Variants in TENM3 observed in about 807,000 individuals in gnomAD.
TENM3 encodes teneurin transmembrane protein 3, also known as teneurin-3.
TENM3 carries 63 observed loss-of-function variants against 255.1 expected under a neutral mutation model. That is an observed-to-expected ratio of 0.25 (90% CI 0.20 to 0.30). TENM3 has a LOEUF of 0.30. TENM3 is among the 10% of genes least tolerant of loss of function. The pLI is 1.00. For missense variants in TENM3, 2,929 were observed against 3,461.1 expected (o/e 0.85, Z 3.86); for synonymous variants, 1,306 against 1,322.3 (o/e 0.99, Z 0.27).
chr4:182,547,905 C>T (rs1395360241), intron 3 of TENM3, among the ~76,000 whole-genome samples: 1 of 151,920 alleles, frequency 6.6e-6, no homozygotes, highest in African/African-American at 2.4e-5. Flanking sequence ...CTAACCCAAT[C>T]ATTTGCCATC....
Position 182,561,544 on chromosome 4 carries a change from A to G in TENM3, c.512-39380A>G, listed in dbSNP as rs552077249. On this transcript the variant is annotated intron_variant, in intron 3 of 27. Coordinates refer to ENST00000511685, the MANE Select transcript of TENM3 (RefSeq NM_001080477.4). ...TTCCCAGTGTTTTTTAGATTTCTGT[A>G]GTTTTGTTTTTTCTAAATGTTTGCA... Among the ~76,000 whole-genome samples the G allele has an allele frequency of 4.6e-3, 694 of 151,914 alleles. 3 individuals are homozygous for G. The highest frequency in any genetic ancestry group is 0.015 in the African/African-American group (627 of 41,478).
chr4:182,410,317 G>A (rs898729421), intron 3 of TENM3, among the ~76,000 whole-genome samples: 1 of 152,188 alleles, frequency 6.6e-6, no homozygotes. Context: ...TCTGAAAATG[G>A]CGCAGCACAT....
intron 12 of TENM3, among the ~76,000 whole-genome samples, chr4:182,706,688 C>T (rs1310340127): frequency 6.6e-6 from 1 of 152,150 alleles, no homozygotes; most frequent in East Asian, 1.9e-4. Context: ...TTTAGCCAGG[C>T]ACAGTGACTC....
intron 3 of TENM3, among the ~76,000 whole-genome samples, chr4:182,590,755 AG>A (rs149372799): frequency 0.2 from 30,631 of 151,080 alleles, 3,270 homozygotes; most frequent in Middle Eastern, 0.25. Context: ...CTCGGGGGGC[AG>A]GAGAATCACT....
intron 3 of TENM3, among the ~76,000 whole-genome samples, chr4:182,464,731 CAG>C (rs776499435): frequency 1.5e-4 from 23 of 152,180 alleles, no homozygotes; most frequent in Non-Finnish European, 3.2e-4. Flanking sequence ...GAGATGATAT[CAG>C]AGAAATATGT....
the TENM3 span, among the ~76,000 whole-genome samples, chr4:182,107,423 G>A: frequency 6.6e-6 from 1 of 152,172 alleles, no homozygotes; most frequent in Admixed American, 6.5e-5. Flanking sequence ...TGTTTCTGGG[G>A]GTTTCTAGCC....
Position 182,792,396 on chromosome 4 carries a change from T to C in TENM3, c.5724T>C (p.Ile1908=), listed in dbSNP as rs1766179640. The C allele has an allele frequency of 6.2e-7, 1 of 1,614,042 alleles. No homozygotes were observed. The highest frequency in any genetic ancestry group is 8.5e-7 in the Non-Finnish European group (1 of 1,179,906). ...ACACCATGCAGACCATCCGATCCATTGGCTACTACCGCAACATATACAACC... is the reference window on the plus strand; with the variant it reads ...ACACCATGCAGACCATCCGATCCATCGGCTACTACCGCAACATATACAACC... ...ARHTMQTIRS[I]GYYRNIYNPP... The change falls in exon 26 of 28, where the codon ATT becomes ATC. Residue 1908 remains isoleucine, a synonymous_variant. Transcript: ENST00000511685. This position sits in a 1 kb window ranked among gnomAD's most constrained non-coding sequence, Gnocchi z 6.3.
chr4:182,530,836 C>T (rs976922733), intron 3 of TENM3, among the ~76,000 whole-genome samples: 1 of 152,142 alleles, frequency 6.6e-6, no homozygotes, highest in Non-Finnish European at 1.5e-5. Flanking sequence ...GGCTTACATG[C>T]CCAGTGGAGT....
chr4:182,319,083 T>C (rs1412793254), intron 1 of TENM3, among the ~76,000 whole-genome samples: 1 of 152,188 alleles, frequency 6.6e-6, no homozygotes, highest in East Asian at 1.9e-4. Flanking sequence ...AAAGGTTTCT[T>C]TTGTTTGTTT....
chr4:182,599,616 G>T (rs1321066062), intron 3 of TENM3, among the ~76,000 whole-genome samples: 2 of 152,068 alleles, frequency 1.3e-5, no homozygotes, highest in African/African-American at 4.8e-5. Flanking sequence ...CTGTAAAGAG[G>T]TTTGATAATA....
rs548929957 is a variant in TENM3 at position 182,392,748 on chromosome 4, G to A, written c.511+45819G>A. 3.1e-4 allele frequency among the ~76,000 whole-genome samples: 47 copies of A among 152,266 alleles called. 2 individuals carry two copies. In the South Asian group the frequency reaches 9.1e-3, roughly 30 times the overall value. ...AGAGGCAGGCTAAAGAGAGGGCATCGCCACACAAATCAAGAGGGAAATTAA... is the reference window on the plus strand; with the variant it reads ...AGAGGCAGGCTAAAGAGAGGGCATCACCACACAAATCAAGAGGGAAATTAA... On this transcript the variant is annotated intron_variant, in intron 3 of 27. Transcript: ENST00000511685.
At chr4:181,552,793 A>C in the TENM3 span, among the ~76,000 whole-genome samples, 1 of 152,250 alleles carries the variant, frequency 6.6e-6, no homozygotes, top group Admixed American at 6.5e-5. Context: ...TCCTTAGGAC[A>C]AACTTCGGAG....
intron 4 of TENM3, among the ~76,000 whole-genome samples, chr4:182,615,598 AGTAAAAGC>A (rs978885489): frequency 2.0e-5 from 3 of 152,208 alleles, no homozygotes; most frequent in African/African-American, 7.2e-5. Context: ...TTGGAGATGA[AGTAAAAGC>A]CAGTACACAC....
At chr4:182,686,897 T>G (rs1050790696) in intron 11 of TENM3, among the ~76,000 whole-genome samples, 1 of 152,140 alleles carries the variant, frequency 6.6e-6, no homozygotes, top group Non-Finnish European at 1.5e-5. Flanking sequence ...ATCTTGAATC[T>G]CTTAATCAAA....
the TENM3 span, among the ~76,000 whole-genome samples, chr4:182,000,929 T>G: frequency 2.0e-5 from 3 of 151,364 alleles, no homozygotes; most frequent in Non-Finnish European, 4.4e-5. Flanking sequence ...ACATGAAAGT[T>G]GAAAAGAGCA....
At chr4:181,901,092 A>G in the TENM3 span, among the ~76,000 whole-genome samples, 1 of 152,202 alleles carries the variant, frequency 6.6e-6, no homozygotes, top group African/African-American at 2.4e-5. Context: ...GAAGAATTTG[A>G]CACTAAGCTT....
rs377724697 is a variant in TENM3 at position 182,754,728 on chromosome 4, C to G, written c.4361C>G (p.Ala1454Gly). 1 of 1,614,038 alleles carries G rather than the reference C, an allele frequency of 6.2e-7. No individual in the cohort carries two copies. The highest frequency in any genetic ancestry group is 8.5e-7 in the Non-Finnish European group (1 of 1,179,908). ...TCAGAGTGTGACTGCAAAAATGATG[C>G]CAACTGTGACTGTTACCAGAGTGGA... is the stretch of plus-strand genomic sequence containing the variant. ...IPSECDCKND[A>G]NCDCYQSGDG... The change falls in exon 22 of 28, where the codon GCC becomes GGC. Residue 1454 changes from alanine (A) to glycine (G), a missense_variant. Physicochemically the swap from Ala to Gly is moderately conservative, Grantham distance 60 (BLOSUM62 0). Around this residue, in one of 6 missense-constraint regions of TENM3, gnomAD observed 1,608 missense variants for 1,884.4 expected, o/e 0.85. Transcript: ENST00000511685. The surrounding 1 kb of genome is among the most constrained non-coding windows in gnomAD (Gnocchi z 5.1).
intron 3 of TENM3, among the ~76,000 whole-genome samples, chr4:182,430,864 T>G (rs1771578011): frequency 6.6e-6 from 1 of 151,514 alleles, no homozygotes; most frequent in African/African-American, 2.4e-5. Context: ...ATACAAAAAT[T>G]AACTGGGCAT....
intron 1 of TENM3, among the ~76,000 whole-genome samples, chr4:182,276,307 A>C (rs1759997641): frequency 6.6e-6 from 1 of 152,248 alleles, no homozygotes; most frequent in Non-Finnish European, 1.5e-5. Context: ...TGAAAAGAAT[A>C]GAATTCAAGT....
Sources: allele counts gnomAD v4.1 joint callset (sites outside exome capture counted in the v4.1 genomes callset), GRCh38; gene constraint gnomAD v4.1.1; regional missense constraint gnomAD v4.1.1; non-coding constraint Gnocchi (gnomAD v3.1); transcripts MANE v1.5; gene names NCBI Gene and HGNC (gene_info 2026-07-23, HGNC 2026-07-21).